The following RNF144B variants were observed in gnomAD, a reference collection of about 807,000 sequenced individuals.
RNF144B encodes ring finger protein 144B.
Under a neutral mutation model 40.2 loss-of-function variants are expected in RNF144B, and 25 were observed. The observed-to-expected ratio is 0.62, with a 90% CI of 0.45 to 0.87. RNF144B has a LOEUF of 0.87. Ranked by LOEUF, RNF144B falls within the 40% of genes least tolerant of loss-of-function variation. The pLI is 0.00. For synonymous variants in RNF144B, 145 were observed against 136.3 expected (o/e 1.06, Z -0.44); for missense variants, 365 against 373.7 (o/e 0.98, Z 0.19).
chr6:18,404,416 A>T (rs1794854112), intron 2 of RNF144B, among the ~76,000 whole-genome samples: 1 of 152,142 alleles, frequency 6.6e-6, no homozygotes, highest in Non-Finnish European at 1.5e-5. Context: ...TGTAAGACGG[A>T]GGGAGGGAGG....
chr6:18,449,832 G>A (rs1354734812), intron 4 of RNF144B, among the ~76,000 whole-genome samples: 1 of 152,058 alleles, frequency 6.6e-6, no homozygotes, highest in African/African-American at 2.4e-5. Context: ...AATATATTAA[G>A]TATAGTCACA....
intron 2 of RNF144B, among the ~76,000 whole-genome samples, chr6:18,424,745 A>G (rs1316147891): frequency 6.6e-6 from 1 of 150,750 alleles, no homozygotes; most frequent in Admixed American, 6.7e-5. Context: ...TTTAGTTCCT[A>G]TTTAATGCTA....
intron 2 of RNF144B, among the ~76,000 whole-genome samples, chr6:18,404,954 G>C (rs905484678): frequency 1.3e-5 from 2 of 152,044 alleles, no homozygotes; most frequent in African/African-American, 4.8e-5. Flanking sequence ...CAATGCCACA[G>C]AATGATTCTC....
intron 4 of RNF144B, among the ~76,000 whole-genome samples, chr6:18,445,998 CAAA>C: frequency 6.6e-6 from 1 of 152,302 alleles, no homozygotes; most frequent in South Asian, 2.1e-4. Flanking sequence ...CACTTTGTCT[CAAA>C]TTCCTTATAG....
At chr6:18,449,464 T>C (rs1251301565) in intron 4 of RNF144B, among the ~76,000 whole-genome samples, 5 of 152,108 alleles carry the variant, frequency 3.3e-5, no homozygotes, top group Admixed American at 3.3e-4. Context: ...AAATCAATAA[T>C]ACATAGACAA....
At position 18,395,294 on chromosome 6, in the gene RNF144B, GT is replaced by G. The variant is rs1794670967; in HGVS notation, c.-36-4204del. Among the ~76,000 whole-genome samples the G allele has an allele frequency of 6.6e-6, 1 of 152,146 alleles. No individual in the cohort carries two copies. Among genetic ancestry groups the G allele is most frequent in the African/African-American group, 2.4e-5 (1 of 41,432 alleles). Reference sequence around the variant, plus strand: ...GGAGGGGAGTGGATGTGAATTGCTTGTGCCCCTGTGAAGTTGTGGCCCAATG... The same window carrying G: ...GGAGGGGAGTGGATGTGAATTGCTTGGCCCCTGTGAAGTTGTGGCCCAATG... On this transcript the variant is annotated intron_variant, in intron 1 of 7. Transcript: ENST00000259939. This position sits in a 1 kb window ranked among gnomAD's most constrained non-coding sequence, Gnocchi z 4.5.
Position 18,398,488 on chromosome 6 carries a change from C to T in RNF144B, c.-36-1011C>T, listed in dbSNP as rs181506327. ...CTGGGTTCAAGTGATTCTCCCGCCTCAGCCTCCTGAGTAGCTGGGATTACA... is the reference window on the plus strand; with the variant it reads ...CTGGGTTCAAGTGATTCTCCCGCCTTAGCCTCCTGAGTAGCTGGGATTACA... On this transcript the variant is annotated intron_variant, in intron 1 of 7. Transcript: ENST00000259939. The surrounding 1 kb of genome is among the most constrained non-coding windows in gnomAD (Gnocchi z 5.0). Among the ~76,000 whole-genome samples the T allele has an allele frequency of 6.6e-5, 10 of 152,334 alleles. No individual in the cohort carries two copies. Among genetic ancestry groups the T allele is most frequent in the Admixed American group, 3.9e-4 (6 of 15,300 alleles).
chr6:18,424,592 G>A (rs1480498765), intron 2 of RNF144B, among the ~76,000 whole-genome samples: 1 of 151,208 alleles, frequency 6.6e-6, no homozygotes, highest in African/African-American at 2.4e-5. Context: ...ATATATTGTG[G>A]TTTGTAGTGT....
At chr6:18,463,212 T>C in intron 6 of RNF144B, 79 bp from the exon 7 acceptor site, 2 of 908,564 alleles carry the variant, frequency 2.2e-6, no homozygotes, top group Non-Finnish European at 1.8e-6. Context: ...TGCCTTCCAT[T>C]TGGTGATCTG....
At chr6:18,415,541 G>A (rs1795134126) in intron 2 of RNF144B, among the ~76,000 whole-genome samples, 1 of 152,150 alleles carries the variant, frequency 6.6e-6, no homozygotes, top group South Asian at 2.1e-4. Flanking sequence ...GGGTCTTCGT[G>A]ACTTAATCAC....
At chr6:18,439,636 G>T (rs1470014720) in intron 3 of RNF144B, 48 bp from the exon 4 acceptor site, 3 of 1,292,398 alleles carry the variant, frequency 2.3e-6, no homozygotes, top group East Asian at 4.6e-5. Context: ...TGGTAACTCA[G>T]GGCACTATGA....
intron 2 of RNF144B, among the ~76,000 whole-genome samples, chr6:18,401,643 AT>A (rs1222450348): frequency 1.3e-5 from 2 of 152,228 alleles, no homozygotes; most frequent in East Asian, 3.8e-4. Flanking sequence ...TTTTAAAAAA[AT>A]GACTTAAAAT....
chr6:18,419,693 T>A lies in RNF144B; in HGVS notation c.166-7888T>A, dbSNP rs1795217258. Reference sequence around the variant, plus strand: ...GTGACCTAGAGCCACTTCAGTTGAGTGGCAGGGAGGAGTTGGGATGGGATT... The same window carrying A: ...GTGACCTAGAGCCACTTCAGTTGAGAGGCAGGGAGGAGTTGGGATGGGATT... On this transcript the variant is annotated intron_variant, in intron 2 of 7. Coordinates refer to ENST00000259939, the MANE Select transcript of RNF144B (RefSeq NM_182757.4). The surrounding 1 kb of genome is among the most constrained non-coding windows in gnomAD (Gnocchi z 4.6). Among the ~76,000 whole-genome samples the A allele has an allele frequency of 6.6e-6, 1 of 151,884 alleles. No individual in the cohort carries two copies. Among genetic ancestry groups the A allele is most frequent in the Non-Finnish European group, 1.5e-5 (1 of 68,008 alleles).
At chr6:18,451,572 C>T (rs748439130) in intron 4 of RNF144B, among the ~76,000 whole-genome samples, 5 of 152,110 alleles carry the variant, frequency 3.3e-5, no homozygotes, top group African/African-American at 7.2e-5. Flanking sequence ...GACAGAGTGA[C>T]GAGAAGTGTC....
rs10456829 is a variant in RNF144B at position 18,450,057 on chromosome 6, T to A, written c.332-7098T>A. Among the ~76,000 whole-genome samples the A allele has an allele frequency of 0.12, 19,008 of 152,258 alleles. 1,363 individuals carry two copies. Among genetic ancestry groups the A allele is most frequent in the Admixed American group, 0.19 (2,956 of 15,296 alleles). ...GCCATTTATGAATTTCTATAAATGA[T>A]CTGTGTGTAGCTGTTTGACTGTAAG... is the stretch of plus-strand genomic sequence containing the variant. On this transcript the variant is annotated intron_variant, in intron 4 of 7. Transcript: ENST00000259939. This position sits in a 1 kb window ranked among gnomAD's most constrained non-coding sequence, Gnocchi z 4.7.
At chr6:18,409,091 A>G (rs72832433) in intron 2 of RNF144B, among the ~76,000 whole-genome samples, 14,158 of 151,992 alleles carry the variant, frequency 0.093, 906 homozygotes, top group Middle Eastern at 0.17. Flanking sequence ...ACACAATTCT[A>G]TAGAAACTGG....
At chr6:18,454,487 C>G (rs1043858547) in intron 4 of RNF144B, among the ~76,000 whole-genome samples, 1 of 152,174 alleles carries the variant, frequency 6.6e-6, no homozygotes, top group Non-Finnish European at 1.5e-5. Context: ...TAAGCCATTC[C>G]TAAGGAATAA....
chr6:18,424,114 C>G (rs1347562649), intron 2 of RNF144B, among the ~76,000 whole-genome samples: 1 of 152,136 alleles, frequency 6.6e-6, no homozygotes, highest in African/African-American at 2.4e-5. Context: ...GTTTTCCCCC[C>G]TAGAATTGTT....
chr6:18,412,863 C>G lies in RNF144B; in HGVS notation c.165+13164C>G, dbSNP rs1025206609. 1.3e-5 allele frequency among the ~76,000 whole-genome samples: 2 copies of G among 152,010 alleles called. No individual in the cohort carries two copies. Among genetic ancestry groups the G allele is most frequent in the Non-Finnish European group, 2.9e-5 (2 of 67,984 alleles). On this transcript the variant is annotated intron_variant, in intron 2 of 7. Transcript: ENST00000259939. The surrounding 1 kb of genome is among the most constrained non-coding windows in gnomAD (Gnocchi z 4.2). ...CATTTCCCACCCACAGTAAGGAGGT[C>G]TTTTTGGTTTGACTCTTCTGGAAAA... is the stretch of plus-strand genomic sequence containing the variant.
Sources: allele counts gnomAD v4.1 joint callset (sites outside exome capture counted in the v4.1 genomes callset), GRCh38; gene constraint gnomAD v4.1.1; non-coding constraint Gnocchi (gnomAD v3.1); transcripts MANE v1.5; gene names NCBI Gene and HGNC (gene_info 2026-07-23, HGNC 2026-07-21).